Variants in ATP8A2 observed in about 807,000 individuals in gnomAD.
ATP8A2 encodes the protein ATPase phospholipid transporting 8A2.
ATP8A2 carries 100 observed loss-of-function variants against 165.6 expected under a neutral mutation model. That is an observed-to-expected ratio of 0.60 (90% CI 0.51 to 0.71). The LOEUF is 0.71. ATP8A2 is among the 30% of genes least tolerant of loss of function. The pLI, the probability that ATP8A2 is intolerant of heterozygous loss-of-function variation, is 0.00. For synonymous variants in ATP8A2, 543 were observed against 548.8 expected, an observed-to-expected ratio of 0.99 and a Z score of 0.15; for missense variants, 1,227 against 1,479.5, an observed-to-expected ratio of 0.83 and a Z score of 2.80.
At chr13:25,403,632 G>T (rs1205601968) in intron 1 of ATP8A2, among the ~76,000 whole-genome samples, 1 of 152,192 alleles carries the variant, frequency 6.6e-6, no homozygotes, top group Admixed American at 6.5e-5. Context: ...AGGAGATTAG[G>T]TGGTTGCCTC....
intron 1 of ATP8A2, among the ~76,000 whole-genome samples, chr13:25,389,301 T>A (rs1013781191): frequency 1.3e-5 from 2 of 152,212 alleles, no homozygotes; most frequent in Non-Finnish European, 2.9e-5. Flanking sequence ...TCTGTCATAT[T>A]TTCCCCCCTA....
At chr13:25,934,008 C>G (rs1056630517) in intron 33 of ATP8A2, among the ~76,000 whole-genome samples, 2 of 152,188 alleles carry the variant, frequency 1.3e-5, no homozygotes, top group African/African-American at 2.4e-5. Flanking sequence ...AGAATGTATG[C>G]TTGTAGCTAA....
intron 16 of ATP8A2, among the ~76,000 whole-genome samples, chr13:25,567,533 T>G (rs2039351495): frequency 6.6e-6 from 1 of 152,208 alleles, no homozygotes; most frequent in African/African-American, 2.4e-5. Context: ...AGCCCTGCTG[T>G]GGGGACATTG....
chr13:25,548,153 G>A (rs1166994884), intron 10 of ATP8A2, among the ~76,000 whole-genome samples: 2 of 152,120 alleles, frequency 1.3e-5, no homozygotes, highest in East Asian at 1.9e-4. Context: ...TTGAACCTGG[G>A]AGGCAGAGGT....
At chr13:25,545,596 G>A (rs1340667722) in intron 10 of ATP8A2, among the ~76,000 whole-genome samples, 1 of 152,066 alleles carries the variant, frequency 6.6e-6, no homozygotes, top group Non-Finnish European at 1.5e-5. Context: ...GCACGCTTTG[G>A]GAGCTCCACT....
At position 25,943,058 on chromosome 13, in the gene ATP8A2, C is replaced by T. The variant is rs9581486; in HGVS notation, c.3184-18517C>T. ...GAAGGGAGGGGTCTGAGCTGGAGCC[C>T]TTGTGCTGCTCTGTGTGCTCCATTA... On this transcript the variant is annotated intron_variant, in intron 33 of 36. Coordinates refer to ENST00000381655, the MANE Select transcript of ATP8A2 (RefSeq NM_016529.6). Among the ~76,000 whole-genome samples, 298 of 152,224 alleles carry T rather than the reference C, an allele frequency of 2.0e-3. 1 individual carries two copies. Among genetic ancestry groups the T allele is most frequent in the African/African-American group, 6.9e-3 (288 of 41,552 alleles).
At chr13:25,738,344 C>CA (rs1352803464) in intron 25 of ATP8A2, among the ~76,000 whole-genome samples, 2 of 121,822 alleles carry the variant, frequency 1.6e-5, no homozygotes, top group Non-Finnish European at 1.8e-5. Flanking sequence ...CCCCCCTCCC[C>CA]CCCCCCCACA....
chr13:25,453,974 G>T (rs888252817), intron 1 of ATP8A2, among the ~76,000 whole-genome samples: 1 of 152,270 alleles, frequency 6.6e-6, no homozygotes, highest in South Asian at 2.1e-4. Flanking sequence ...AGTGGGGAGG[G>T]CTGTGGCGGG....
At chr13:25,882,619 A>G (rs552862239) in intron 33 of ATP8A2, among the ~76,000 whole-genome samples, 6 of 152,214 alleles carry the variant, frequency 3.9e-5, no homozygotes, top group Non-Finnish European at 7.3e-5. Context: ...AGGGCTAGGC[A>G]GTGATCACCA....
intron 7 of ATP8A2, among the ~76,000 whole-genome samples, chr13:25,539,097 G>GTGTGTTT (rs1263333295): frequency 8.9e-5 from 13 of 146,094 alleles, no homozygotes; most frequent in Non-Finnish European, 1.6e-4. Context: ...GTGTGTGTGT[G>GTGTGTTT]TGTTTTGTTT....
At chr13:25,803,844 G>A (rs1210211896) in intron 27 of ATP8A2, among the ~76,000 whole-genome samples, 1 of 152,214 alleles carries the variant, frequency 6.6e-6, no homozygotes, top group East Asian at 1.9e-4. Context: ...CAGTACTGAA[G>A]AGGCATCTGA....
chr13:25,473,957 T>G (rs1382211581), intron 2 of ATP8A2, among the ~76,000 whole-genome samples: 1 of 152,224 alleles, frequency 6.6e-6, no homozygotes, highest in African/African-American at 2.4e-5. Context: ...CTATCAGACA[T>G]ATGTAATCTT....
At chr13:25,537,067 C>T (rs1042823384) in intron 6 of ATP8A2, among the ~76,000 whole-genome samples, 3 of 152,140 alleles carry the variant, frequency 2.0e-5, no homozygotes, top group African/African-American at 4.8e-5. Flanking sequence ...GTGCTTTCTG[C>T]GATGTTACTG....
intron 26 of ATP8A2, among the ~76,000 whole-genome samples, chr13:25,772,042 G>A (rs1219013556): frequency 6.6e-6 from 1 of 152,112 alleles, no homozygotes; most frequent in Non-Finnish European, 1.5e-5. Context: ...TTACGAAGTG[G>A]GCAAAGCTCT....
intron 33 of ATP8A2, among the ~76,000 whole-genome samples, chr13:25,896,401 T>C (rs544887660): frequency 6.6e-6 from 1 of 152,182 alleles, no homozygotes; most frequent in Non-Finnish European, 1.5e-5. Context: ...TGAGAGACAG[T>C]TTGTTATAAT....
chr13:25,679,673 T>A (rs1415862642), intron 24 of ATP8A2, among the ~76,000 whole-genome samples: 3 of 152,188 alleles, frequency 2.0e-5, no homozygotes, highest in East Asian at 3.9e-4. Flanking sequence ...GATTTGAATA[T>A]GTTATTTTGA....
At chr13:25,414,039 G>C (rs1276040901) in intron 1 of ATP8A2, among the ~76,000 whole-genome samples, 2 of 152,000 alleles carry the variant, frequency 1.3e-5, no homozygotes, top group Non-Finnish European at 2.9e-5. Flanking sequence ...TAGAACCATG[G>C]AGGAACCTTG....
intron 1 of ATP8A2, among the ~76,000 whole-genome samples, chr13:25,423,326 A>C (rs545443214): frequency 2.0e-5 from 3 of 152,366 alleles, no homozygotes; most frequent in South Asian, 4.1e-4. Context: ...ATCTTAAAGC[A>C]GTATAATATA....
At chr13:25,923,302 A>G in intron 33 of ATP8A2, among the ~76,000 whole-genome samples, 1 of 152,070 alleles carries the variant, frequency 6.6e-6, no homozygotes, top group Non-Finnish European at 1.5e-5. Context: ...CTTTTATTTC[A>G]CTTTCAGCGA....
Sources: gnomAD v4.1 joint callset for allele counts (sites outside exome capture counted in the v4.1 genomes callset) on GRCh38, gnomAD v4.1.1 for gene constraint, MANE v1.5 for transcripts, NCBI Gene and HGNC (gene_info 2026-07-23, HGNC 2026-07-21) for gene names.